ALCAM: variants seen among roughly 807,000 people sequenced by gnomAD.
ALCAM encodes CD166 antigen.
ALCAM carries 30 observed loss-of-function variants against 70.9 expected under a neutral mutation model. The observed-to-expected ratio is 0.42, with a 90% CI of 0.32 to 0.57. The LOEUF is 0.57. ALCAM is among the 20% of genes least tolerant of loss of function. The pLI is 0.11. For missense variants in ALCAM, 591 were observed against 695.1 expected, an observed-to-expected ratio of 0.85 and a Z score of 1.68; for synonymous variants, 249 against 242.5, an observed-to-expected ratio of 1.03 and a Z score of -0.25.
chr3:105,496,014 C>T (rs900710635), intron 1 of ALCAM, among the ~76,000 whole-genome samples: 5 of 152,008 alleles, frequency 3.3e-5, no homozygotes, highest in African/African-American at 4.8e-5. Flanking sequence ...TAGCTGTTTT[C>T]GGAAGTATGT....
chr3:105,374,210 T>A (rs975775946), intron 1 of ALCAM, among the ~76,000 whole-genome samples: 1 of 152,114 alleles, frequency 6.6e-6, no homozygotes, highest in Non-Finnish European at 1.5e-5. Context: ...ACTTGCCCAG[T>A]CTCCTTAGCA....
At chr3:105,490,539 G>A (rs1266362007) in intron 1 of ALCAM, among the ~76,000 whole-genome samples, 1 of 152,172 alleles carries the variant, frequency 6.6e-6, no homozygotes, top group African/African-American at 2.4e-5. Context: ...ATGTATGTGT[G>A]TGTGTCTGTG....
chr3:105,519,572 C>T (rs1281815017), intron 1 of ALCAM, among the ~76,000 whole-genome samples: 2 of 151,966 alleles, frequency 1.3e-5, no homozygotes, highest in Non-Finnish European at 2.9e-5. Context: ...TGTATTAATT[C>T]TCAGTTTTTA....
At chr3:105,565,741 C>T (rs529846202) in intron 14 of ALCAM, among the ~76,000 whole-genome samples, 39 of 152,240 alleles carry the variant, frequency 2.6e-4, no homozygotes, top group African/African-American at 8.4e-4. Context: ...TATGGATCAG[C>T]TTAACTTTTT....
chr3:105,465,830 A>G (rs1168840431), intron 1 of ALCAM, among the ~76,000 whole-genome samples: 1 of 151,412 alleles, frequency 6.6e-6, no homozygotes, highest in Non-Finnish European at 1.5e-5. Context: ...TCTATATTTC[A>G]GATTAAATCT....
chr3:105,495,655 A>ATTTGC, intron 1 of ALCAM, among the ~76,000 whole-genome samples: 1 of 152,300 alleles, frequency 6.6e-6, no homozygotes, highest in African/African-American at 2.4e-5. Context: ...ACGGTGGAAT[A>ATTTGC]ATACATTTTA....
intron 1 of ALCAM, among the ~76,000 whole-genome samples, chr3:105,494,336 A>C (rs1938676974): frequency 6.6e-6 from 1 of 152,166 alleles, no homozygotes; most frequent in African/African-American, 2.4e-5. Context: ...GTATTTTATA[A>C]GGGAAAAATA....
At chr3:105,572,086 GT>G (rs548398218) in intron 15 of ALCAM, 122 bp downstream of exon 15, 11 of 584,942 alleles carry the variant, frequency 1.9e-5, no homozygotes, top group South Asian at 6.1e-5. Flanking sequence ...GAAGAGAGGG[GT>G]TTTTTTTCTT....
At chr3:105,369,993 C>T (rs1451997902) in intron 1 of ALCAM, among the ~76,000 whole-genome samples, 2 of 151,840 alleles carry the variant, frequency 1.3e-5, no homozygotes, top group Admixed American at 6.6e-5. Context: ...AAAAAGAATG[C>T]TTTTCTGGAT....
intron 1 of ALCAM, among the ~76,000 whole-genome samples, chr3:105,477,556 T>C (rs1338967066): frequency 6.6e-6 from 1 of 152,140 alleles, no homozygotes; most frequent in Non-Finnish European, 1.5e-5. Context: ...AGTTTGACTA[T>C]GCTGTGCCTA....
chr3:105,468,503 T>C (rs1022402654), intron 1 of ALCAM, among the ~76,000 whole-genome samples: 1 of 151,324 alleles, frequency 6.6e-6, no homozygotes, highest in African/African-American at 2.4e-5. Flanking sequence ...ATATAGAATA[T>C]GCATCATTTT....
In ALCAM at chr3:105,400,624, C is replaced by T. The variant is rs138435231; in HGVS notation, c.73+33143C>T. On this transcript the variant is annotated intron_variant, in intron 1 of 15. Coordinates refer to ENST00000306107, the MANE Select transcript of ALCAM (RefSeq NM_001627.4). ...ATGAGTAAAAGACCCTCAGGACATACGTAAAGAGAAGAACTCTTTCTAGAC... is the reference window on the plus strand; with the variant it reads ...ATGAGTAAAAGACCCTCAGGACATATGTAAAGAGAAGAACTCTTTCTAGAC... Among the ~76,000 whole-genome samples, 454 of 152,118 alleles carry T rather than the reference C, an allele frequency of 3.0e-3. 1 individual carries two copies. Among genetic ancestry groups the T allele is most frequent in the Non-Finnish European group, 4.7e-3 (323 of 68,002 alleles).
chr3:105,539,242 C>T (rs1940055232), intron 6 of ALCAM, among the ~76,000 whole-genome samples: 1 of 152,072 alleles, frequency 6.6e-6, no homozygotes, highest in African/African-American at 2.4e-5. Context: ...CATTTTATTT[C>T]CTGTTTGCTA....
chr3:105,561,196 A>G (rs1940623457), intron 14 of ALCAM, among the ~76,000 whole-genome samples: 1 of 152,182 alleles, frequency 6.6e-6, no homozygotes, highest in Admixed American at 6.5e-5. Flanking sequence ...TGTTCCTAGT[A>G]GTATGTGAAA....
chr3:105,510,916 A>G (rs1367325713), intron 1 of ALCAM, among the ~76,000 whole-genome samples: 1 of 152,068 alleles, frequency 6.6e-6, no homozygotes, highest in Non-Finnish European at 1.5e-5. Flanking sequence ...AAGTTTTCAA[A>G]GAGTTAAAAT....
chr3:105,411,428 C>A (rs1039399848), intron 1 of ALCAM, among the ~76,000 whole-genome samples: 2 of 151,986 alleles, frequency 1.3e-5, no homozygotes, highest in African/African-American at 4.8e-5. Flanking sequence ...GTGATAGTAG[C>A]AGTGGAAGTG....
intron 1 of ALCAM, among the ~76,000 whole-genome samples, chr3:105,444,543 G>A (rs1172387291): frequency 6.6e-6 from 1 of 152,114 alleles, no homozygotes; most frequent in East Asian, 1.9e-4. Context: ...GGGACACAGA[G>A]CCAAACCATA....
At chr3:105,371,527 T>TC (rs1553716960) in intron 1 of ALCAM, among the ~76,000 whole-genome samples, 24,521 of 151,474 alleles carry the variant, frequency 0.16, 2,133 homozygotes, top group Admixed American at 0.27. Context: ...CTTTTTTTTT[T>TC]TCTCTTTTTT....
intron 1 of ALCAM, among the ~76,000 whole-genome samples, chr3:105,490,843 C>A (rs1351549376): frequency 6.6e-6 from 1 of 152,176 alleles, no homozygotes; most frequent in Non-Finnish European, 1.5e-5. Context: ...AGCAGCTTTT[C>A]TCGGCACACA....
Sources: allele counts gnomAD v4.1 joint callset (sites outside exome capture counted in the v4.1 genomes callset), GRCh38; gene constraint gnomAD v4.1.1; transcripts MANE v1.5; gene names NCBI Gene and HGNC (gene_info 2026-07-23, HGNC 2026-07-21).